Variants in CCBE1 observed in about 807,000 individuals in gnomAD.
The protein encoded by CCBE1 is collagen and calcium-binding EGF domain-containing protein 1.
A neutral mutation model predicts 50.0 loss-of-function variants in CCBE1; 37 were observed. That is an observed-to-expected ratio of 0.74 (90% CI 0.57 to 0.97). The LOEUF (loss-of-function observed/expected upper bound fraction) is 0.97, where lower values mean the gene tolerates loss of function less well. Among genes scored for constraint, CCBE1 ranks in the 50% least tolerant of loss-of-function variants. The pLI is 0.00. For synonymous variants in CCBE1, 234 were observed against 203.7 expected (o/e 1.15, Z -1.27); for missense variants, 538 against 523.8 (o/e 1.03, Z -0.26).
rs372348933 is a variant in CCBE1, at chr18:59,640,940, G to A, written c.212+55689C>T. ...CAAATCAAAACCACAAGCAGATACC[G>A]TCTCGTACCAGTCAGAATGGCTATC... is the stretch of plus-strand genomic sequence containing the variant. On this transcript the variant is annotated intron_variant, in intron 2 of 10. Coordinates refer to ENST00000439986, the MANE Select transcript of CCBE1 (RefSeq NM_133459.4). Among the ~76,000 whole-genome samples the A allele has an allele frequency of 1.3e-3, 198 of 152,120 alleles. 1 individual carries two copies. In the South Asian group the frequency reaches 0.016, roughly 12 times the overall value.
At chr18:59,527,292 A>G (rs1914865772) in intron 2 of CCBE1, among the ~76,000 whole-genome samples, 1 of 151,876 alleles carries the variant, frequency 6.6e-6, no homozygotes, top group Non-Finnish European at 1.5e-5. Context: ...TGTTGGTTTG[A>G]AGTCTGTTTT....
chr18:59,697,098 G>T, intron 1 of CCBE1, 114 bp downstream of exon 1: 1 of 1,396,654 alleles, frequency 7.2e-7, no homozygotes, highest in Non-Finnish European at 9.8e-7. Context: ...CCCCGGAGAA[G>T]TGAGGGCGTG....
At chr18:59,502,739 A>G (rs1164838908) in intron 2 of CCBE1, among the ~76,000 whole-genome samples, 1 of 152,126 alleles carries the variant, frequency 6.6e-6, no homozygotes, top group Admixed American at 6.5e-5. Context: ...ATTCCATTGC[A>G]GAAAGGCAAA....
chr18:59,685,194 T>A (rs547815188), intron 2 of CCBE1, among the ~76,000 whole-genome samples: 1 of 152,104 alleles, frequency 6.6e-6, no homozygotes, highest in Admixed American at 6.6e-5. Flanking sequence ...GCTGAGAGCC[T>A]ACAATACAAA....
chr18:59,577,614 A>C (rs1051099716), intron 2 of CCBE1, among the ~76,000 whole-genome samples: 1 of 152,244 alleles, frequency 6.6e-6, no homozygotes, highest in Admixed American at 6.5e-5. Flanking sequence ...ATAAATGAGC[A>C]GAGGTATAAA....
chr18:59,518,451 A>G (rs1033523934), intron 2 of CCBE1, among the ~76,000 whole-genome samples: 2 of 152,262 alleles, frequency 1.3e-5, no homozygotes, highest in Non-Finnish European at 2.9e-5. Context: ...AGAACAAGCC[A>G]TTCATAAAAT....
chr18:59,690,434 C>T (rs1322385386), intron 2 of CCBE1, among the ~76,000 whole-genome samples: 1 of 152,178 alleles, frequency 6.6e-6, no homozygotes, highest in East Asian at 1.9e-4. Flanking sequence ...TGCCAGCAGA[C>T]CCTCTAAACT....
intron 2 of CCBE1, among the ~76,000 whole-genome samples, chr18:59,626,930 C>A (rs1019321760): frequency 2.0e-5 from 3 of 152,228 alleles, no homozygotes; most frequent in African/African-American, 4.8e-5. Context: ...GTCACCATGT[C>A]TTCAGCCTCT....
chr18:59,664,951 G>A (rs560437669), intron 2 of CCBE1, among the ~76,000 whole-genome samples: 2 of 152,238 alleles, frequency 1.3e-5, no homozygotes, highest in South Asian at 4.1e-4. Flanking sequence ...AGGCAGAGGA[G>A]GATCCATTCT....
intron 2 of CCBE1, among the ~76,000 whole-genome samples, chr18:59,661,907 C>G (rs8093422): frequency 0.42 from 62,867 of 150,436 alleles, 14,301 homozygotes; most frequent in African/African-American, 0.61. Flanking sequence ...GTAGAAGTTG[C>G]AGTGAGCTGA....
chr18:59,689,177 C>A (rs144123953), intron 2 of CCBE1, among the ~76,000 whole-genome samples: 374 of 152,288 alleles, frequency 2.5e-3, no homozygotes, highest in African/African-American at 8.5e-3. Flanking sequence ...TTGAGAGCCC[C>A]CCTGTATCTC....
intron 6 of CCBE1, among the ~76,000 whole-genome samples, chr18:59,453,047 T>C (rs1014630656): frequency 4.6e-5 from 7 of 152,146 alleles, no homozygotes; most frequent in Non-Finnish European, 7.4e-5. Context: ...TTTTTATACA[T>C]CACAAAAAAA....
intron 2 of CCBE1, among the ~76,000 whole-genome samples, chr18:59,643,415 A>G (rs950386153): frequency 1.3e-5 from 2 of 152,212 alleles, no homozygotes; most frequent in Non-Finnish European, 2.9e-5. Context: ...AAAGGGTAGG[A>G]CACTCGATAT....
rs1264953757 is a variant in CCBE1 at position 59,433,924 on chromosome 18, CAG to C, written c.*1982_*1983del. The C allele has an allele frequency of 3.2e-5, 3 of 92,342 alleles. No individual in the cohort carries two copies. Among genetic ancestry groups the C allele is most frequent in the East Asian group, 3.6e-4 (1 of 2,740 alleles). 5.7% of individuals were successfully genotyped at this position (92,342 alleles called of 1,614,324 possible). ...TTTTTTTTTTTTTTTTTTAATGAGA[CAG>C]AGTCTCCCTCTGTTGCCTAGGCTGG... is the stretch of plus-strand genomic sequence containing the variant. On this transcript the variant is annotated 3_prime_UTR_variant, in exon 11 of 11. Coordinates refer to ENST00000439986, the MANE Select transcript of CCBE1 (RefSeq NM_133459.4).
At chr18:59,620,071 AG>A (rs1438268889) in intron 2 of CCBE1, among the ~76,000 whole-genome samples, 2 of 152,198 alleles carry the variant, frequency 1.3e-5, no homozygotes, top group Non-Finnish European at 2.9e-5. Flanking sequence ...AGGAAAGGAA[AG>A]AGTTGGGAAG....
intron 6 of CCBE1, among the ~76,000 whole-genome samples, chr18:59,451,603 G>C (rs1910936775): frequency 6.6e-6 from 1 of 152,048 alleles, no homozygotes. Context: ...AGAAGTGGTG[G>C]AGGTGGAGGC....
chr18:59,518,817 C>G (rs986395760), intron 2 of CCBE1, among the ~76,000 whole-genome samples: 1 of 152,182 alleles, frequency 6.6e-6, no homozygotes, highest in Non-Finnish European at 1.5e-5. Context: ...TCTGCACACC[C>G]GCTGGCAGCC....
At chr18:59,523,273 A>T (rs1167568365) in intron 2 of CCBE1, among the ~76,000 whole-genome samples, 4 of 151,200 alleles carry the variant, frequency 2.6e-5, no homozygotes, top group Non-Finnish European at 5.9e-5. Flanking sequence ...CAGCTTAGAG[A>T]CAATGGTTGG....
At chr18:59,648,567 G>A (rs1396662434) in intron 2 of CCBE1, among the ~76,000 whole-genome samples, 5 of 152,192 alleles carry the variant, frequency 3.3e-5, no homozygotes, top group South Asian at 2.1e-4. Flanking sequence ...TTAGTCAGGC[G>A]TGGTGGCGCA....
Sources: allele counts gnomAD v4.1 joint callset (sites outside exome capture counted in the v4.1 genomes callset), GRCh38; gene constraint gnomAD v4.1.1; transcripts MANE v1.5; gene names NCBI Gene and HGNC (gene_info 2026-07-23, HGNC 2026-07-21).